Variants in TDRD3 observed in about 807,000 individuals in gnomAD.
TDRD3 encodes the protein tudor domain-containing protein 3.
TDRD3 carries 45 observed loss-of-function variants against 86.7 expected under a neutral mutation model. The ratio of observed to expected loss-of-function variants is 0.52; its 90% CI spans 0.41 to 0.67. The LOEUF (loss-of-function observed/expected upper bound fraction) is 0.67, where lower values mean the gene tolerates loss of function less well. TDRD3 is among the 30% of genes least tolerant of loss of function. TDRD3 has a pLI of 0.00. For synonymous variants in TDRD3, 298 were observed against 301.7 expected, an observed-to-expected ratio of 0.99 and a Z score of 0.13; for missense variants, 814 against 889.0, an observed-to-expected ratio of 0.92 and a Z score of 1.07.
intron 5 of TDRD3, 88 bp from the exon 6 acceptor site, chr13:60,483,687 C>A: frequency 1.7e-6 from 2 of 1,198,820 alleles, no homozygotes; most frequent in Non-Finnish European, 2.3e-6. Flanking sequence ...AGAATCTACT[C>A]AAATAGGTAG....
intron 10 of TDRD3, 77 bp downstream of exon 10, chr13:60,510,832 T>C (rs1957044249): frequency 7.5e-7 from 1 of 1,332,854 alleles, no homozygotes; most frequent in Non-Finnish European, 9.9e-7. Context: ...TATTTCTTTT[T>C]AAAAGACCAA....
At chr13:60,472,640 T>C (rs1956096870) in intron 5 of TDRD3, among the ~76,000 whole-genome samples, 1 of 152,204 alleles carries the variant, frequency 6.6e-6, no homozygotes, top group African/African-American at 2.4e-5. Context: ...AGAATTACCA[T>C]ATGATCCATC....
chr13:60,473,040 C>T (rs1956105030), intron 5 of TDRD3, among the ~76,000 whole-genome samples: 1 of 152,144 alleles, frequency 6.6e-6, no homozygotes, highest in African/African-American at 2.4e-5. Flanking sequence ...TAACAGAATA[C>T]CACAGACTGG....
chr13:60,457,185 A>G (rs1955696815), intron 3 of TDRD3, among the ~76,000 whole-genome samples: 1 of 152,210 alleles, frequency 6.6e-6, no homozygotes, highest in Admixed American at 6.5e-5. Context: ...ATATTTCTGA[A>G]TTGTGGAACT....
rs1956673432 is a variant in TDRD3 at position 60,494,573 on chromosome 13, C to T, written c.856C>T (p.Leu286=). The T allele has an allele frequency of 6.2e-7, 1 of 1,612,206 alleles. No individual in the cohort carries two copies. The highest frequency in any genetic ancestry group is 8.5e-7 in the Non-Finnish European group (1 of 1,179,256). ...EGKHEGVYRE[L]VDEKALKHIT... ...AAAACATGAAGGTGTCTATAGAGAA[C>T]TGGTAAGGCTAAAGAACTAACCACA... Residue 286 remains leucine (L), a splice_region_variant and synonymous_variant, in exon 8 of 14, where the codon CTG becomes TTG. Transcript: ENST00000377881.
intron 5 of TDRD3, among the ~76,000 whole-genome samples, chr13:60,481,624 A>C (rs1956320208): frequency 6.6e-6 from 1 of 150,596 alleles, no homozygotes; most frequent in South Asian, 2.1e-4. Flanking sequence ...ATTTTTCTTT[A>C]CTAGTTGAAT....
intron 12 of TDRD3, among the ~76,000 whole-genome samples, chr13:60,545,261 A>G (rs889928182): frequency 2.6e-5 from 4 of 152,162 alleles, no homozygotes; most frequent in South Asian, 2.1e-4. Flanking sequence ...GTTTTACATG[A>G]TAACAGCATG....
At chr13:60,524,596 G>A (rs1435256239) in intron 10 of TDRD3, among the ~76,000 whole-genome samples, 1 of 151,986 alleles carries the variant, frequency 6.6e-6, no homozygotes, top group East Asian at 1.9e-4. Context: ...TATTTGTTAT[G>A]TGTTTAATAG....
At chr13:60,490,248 A>G (rs1956556669) in intron 7 of TDRD3, among the ~76,000 whole-genome samples, 1 of 152,158 alleles carries the variant, frequency 6.6e-6, no homozygotes, top group South Asian at 2.1e-4. Context: ...GCAGATTGCA[A>G]TTTTAAATAT....
upstream of TDRD3, chr13:60,396,335 T>C (rs1036294718): frequency 1.3e-5 from 2 of 152,250 alleles, no homozygotes; most frequent in African/African-American, 2.4e-5. Context: ...GGAGCGCCTC[T>C]TGGGCCCGCG....
At chr13:60,530,587 T>C (rs1403201323) in intron 11 of TDRD3, among the ~76,000 whole-genome samples, 9 of 151,556 alleles carry the variant, frequency 5.9e-5, no homozygotes, top group Non-Finnish European at 1.3e-4. Flanking sequence ...ACTACAGAAA[T>C]GCGCTACCAT....
chr13:60,557,587 T>G (rs1005379640), intron 12 of TDRD3, among the ~76,000 whole-genome samples: 2 of 152,134 alleles, frequency 1.3e-5, no homozygotes, highest in African/African-American at 4.8e-5. Context: ...CTGCCTGCTT[T>G]AAGGCTTAAA....
chr13:60,488,818 A>ATC (rs1160584968), intron 7 of TDRD3, among the ~76,000 whole-genome samples: 1 of 152,104 alleles, frequency 6.6e-6, no homozygotes, highest in African/African-American at 2.4e-5. Flanking sequence ...ACCTCAGGTG[A>ATC]TCCGCTCACT....
chr13:60,483,619 TA>T (rs1256848297), intron 5 of TDRD3, among the ~76,000 whole-genome samples, 155 bp from the exon 6 acceptor site: 4 of 152,172 alleles, frequency 2.6e-5, no homozygotes, highest in African/African-American at 4.8e-5. Context: ...AAGAATAATA[TA>T]TTTTTTTGTG....
intron 1 of TDRD3, among the ~76,000 whole-genome samples, chr13:60,412,709 A>AT (rs1206508830): frequency 6.6e-6 from 1 of 151,782 alleles, no homozygotes; most frequent in Non-Finnish European, 1.5e-5. Flanking sequence ...CAACTGCTTG[A>AT]TTTTTTTTGT....
intron 7 of TDRD3, 148 bp from the exon 8 acceptor site, chr13:60,494,287 A>C: frequency 1.2e-6 from 1 of 864,784 alleles, no homozygotes; most frequent in Non-Finnish European, 1.6e-6. Flanking sequence ...TTTGCTATTC[A>C]AAAGGAGTAA....
intron 1 of TDRD3, among the ~76,000 whole-genome samples, chr13:60,423,155 G>C (rs1040954584): frequency 1.3e-5 from 2 of 152,176 alleles, no homozygotes; most frequent in Admixed American, 1.3e-4. Context: ...AGAAAAGTCA[G>C]TGGAAGTATG....
At chr13:60,539,598 T>C (rs978382450) in intron 12 of TDRD3, among the ~76,000 whole-genome samples, 4 of 151,804 alleles carry the variant, frequency 2.6e-5, no homozygotes, top group Non-Finnish European at 4.4e-5. Flanking sequence ...TATATTTTCA[T>C]GTTAGCGTAC....
rs367979228 is a variant in TDRD3 at position 60,436,978 on chromosome 13, C to T, written c.42-2710C>T. Among the ~76,000 whole-genome samples the T allele has an allele frequency of 3.3e-5, 5 of 150,712 alleles. No homozygotes were observed. In the East Asian group the frequency reaches 5.8e-4, roughly 18 times the overall value. On this transcript the variant is annotated intron_variant, in intron 1 of 13. Transcript: ENST00000377881. ...CTTGTTTAATGTACTTTGGAGCTCA[C>T]CAATTGAATTTGTCTAGTTCTGCTT...
Sources: gnomAD v4.1 joint callset for allele counts (sites outside exome capture counted in the v4.1 genomes callset) on GRCh38, gnomAD v4.1.1 for gene constraint, MANE v1.5 for transcripts, NCBI Gene and HGNC (gene_info 2026-07-23, HGNC 2026-07-21) for gene names.